The following DBR1 variants were observed in gnomAD, a reference collection of about 807,000 sequenced individuals.
DBR1 encodes lariat debranching enzyme.
In DBR1, 33 loss-of-function variants were observed where a neutral mutation model predicts 45.9. The observed-to-expected ratio is 0.72, with a 90% CI of 0.55 to 0.96. DBR1 has a LOEUF of 0.96. Among genes scored for constraint, DBR1 ranks in the 40% least tolerant of loss-of-function variants. The pLI, the probability that DBR1 is intolerant of heterozygous loss-of-function variation, is 0.00. For synonymous variants in DBR1, 235 were observed against 235.9 expected, an observed-to-expected ratio of 1.00 and a Z score of 0.04; for missense variants, 619 against 667.4, an observed-to-expected ratio of 0.93 and a Z score of 0.80.
At chr3:138,170,299 C>T (rs533589629) in intron 3 of DBR1, 107 bp from the exon 4 acceptor site, 10 of 672,720 alleles carry the variant, frequency 1.5e-5, no homozygotes, top group East Asian at 1.2e-4. Flanking sequence ...TCAATATATA[C>T]GATTTTAAAA....
At position 138,165,976 on chromosome 3, in the gene DBR1, G is replaced by A. The variant is rs190112507; in HGVS notation, c.714+1105C>T. Among the ~76,000 whole-genome samples the A allele has an allele frequency of 3.5e-3, 540 of 152,344 alleles. 14 individuals are homozygous for A. Among genetic ancestry groups the A allele is most frequent in the Admixed American group, 0.033 (502 of 15,300 alleles). On this transcript the variant is annotated intron_variant, in intron 5 of 7. Transcript: ENST00000260803. The stretch of plus-strand genomic sequence containing the variant: ...AGAATAAATCCACAACAGAAAGGGC[G>A]TATAGGTATATTTTCAGACAAAACC...
intron 3 of DBR1, among the ~76,000 whole-genome samples, chr3:138,170,519 A>C (rs2042949489): frequency 6.6e-6 from 1 of 152,238 alleles, no homozygotes; most frequent in South Asian, 2.1e-4. Context: ...AAAAAGAAAT[A>C]TGTGTATTAT....
intron 5 of DBR1, among the ~76,000 whole-genome samples, chr3:138,165,154 A>G (rs967696245): frequency 6.6e-6 from 1 of 152,128 alleles, no homozygotes; most frequent in Non-Finnish European, 1.5e-5. Context: ...CAGCTTCATC[A>G]TGGAGGAAAA....
At chr3:138,174,567 A>G (rs1163095931) in intron 1 of DBR1, 32 bp downstream of exon 1, 3 of 897,872 alleles carry the variant, frequency 3.3e-6, no homozygotes, top group Middle Eastern at 2.4e-4. Flanking sequence ...CCACCCCCCC[A>G]CCGCCAAGTC....
In DBR1 at chr3:138,167,278, A is replaced by G; in HGVS notation, c.517T>C (p.Ser173Pro). The change falls in exon 5 of 8, where the codon TCT (serine) becomes CCT (proline). Residue 173 changes from serine (S) to proline (P), a missense_variant. Physicochemically the swap from Ser to Pro is moderately conservative, Grantham distance 74. Transcript: ENST00000260803. ...QLKQPIDIFLSHDWPRSIYHY... is the reference protein window; with the variant it reads ...QLKQPIDIFLPHDWPRSIYHY... The stretch of plus-strand genomic sequence containing the variant: ...TATATACTTCTTGGCCAATCATGAG[A>G]CAAGAATATATCTATAGGCTGCTTC... 1 of 1,610,128 alleles carries G rather than the reference A, an allele frequency of 6.2e-7. No homozygotes were observed. Among genetic ancestry groups the G allele is most frequent in the Non-Finnish European group, 8.5e-7 (1 of 1,178,806 alleles).
chr3:138,171,586 T>G, intron 3 of DBR1, 47 bp downstream of exon 3: 1 of 1,260,672 alleles, frequency 7.9e-7, no homozygotes, highest in Non-Finnish European at 1.2e-6. Flanking sequence ...TAACTTACTC[T>G]GGGGCATGCA....
chr3:138,174,738 G>A lies in DBR1; in HGVS notation c.58C>T (p.Leu20=). ...GGGCCGCGCCGCTCTGCCAGCGCCA[G>A]CGTCTCATAGATCTTATCCAGCTCG... The part of the protein sequence containing the change: ...HGELDKIYET[L]ALAERRGPGP... The change falls in exon 1 of 8, where the codon CTG becomes TTG. Residue 20 remains leucine, a synonymous_variant. Coordinates refer to ENST00000260803, the MANE Select transcript of DBR1 (RefSeq NM_016216.4). 1.9e-6 allele frequency: 3 copies of A among 1,612,764 alleles called. No individual in the cohort carries two copies. The highest frequency in any genetic ancestry group is 2.2e-5 in the South Asian group (2 of 90,962).
intron 5 of DBR1, among the ~76,000 whole-genome samples, chr3:138,165,238 G>A (rs1032480400): frequency 6.6e-6 from 1 of 152,082 alleles, no homozygotes; most frequent in Non-Finnish European, 1.5e-5. Flanking sequence ...GGTACAAGTT[G>A]AGTATGCCTT....
At chr3:138,163,578 G>T (rs929749867) in intron 6 of DBR1, 84 bp from the exon 7 acceptor site, 1 of 809,494 alleles carries the variant, frequency 1.2e-6, no homozygotes, top group Non-Finnish European at 1.7e-6. Flanking sequence ...AAATAAAAAG[G>T]AATTTAATTT....
chr3:138,174,558 C>A, intron 1 of DBR1, 41 bp downstream of exon 1: 1 of 1,439,494 alleles, frequency 6.9e-7, no homozygotes, highest in Non-Finnish European at 9.6e-7. Flanking sequence ...AACCCAGTCC[C>A]ACCCCCCCAC....
chr3:138,173,623 A>T lies in DBR1; in HGVS notation c.201T>A (p.Tyr67Ter), dbSNP rs149713635. The change falls in exon 2 of 8, where the codon TAT becomes TAA. Residue 67 changes from tyrosine to a stop codon, truncating the protein, a stop_gained. Transcript: ENST00000260803. LOFTEE classifies it high-confidence loss of function. Reference sequence around the variant, plus strand: ...CTGGAGCCTTTTTCTCTCCAGAGTAATACCTAGAACATAAGAGCAAAGTCA... The same window carrying T: ...CTGGAGCCTTTTTCTCTCCAGAGTATTACCTAGAACATAAGAGCAAAGTCA... The part of the protein sequence containing the change: ...KYRHMQTFYR[Y>*]YSGEKKAPVL... The T allele has an allele frequency of 6.2e-7, 1 of 1,613,392 alleles. No homozygotes were observed. Among genetic ancestry groups the T allele is most frequent in the Non-Finnish European group, 8.5e-7 (1 of 1,179,704 alleles).
intron 3 of DBR1, among the ~76,000 whole-genome samples, chr3:138,170,796 G>A (rs906358247): frequency 1.3e-5 from 2 of 152,176 alleles, no homozygotes; most frequent in African/African-American, 2.4e-5. Flanking sequence ...TGAAATCAAA[G>A]TATAATTCAT....
chr3:138,164,589 C>CCAGAGTA (rs2042922039), intron 5 of DBR1, among the ~76,000 whole-genome samples: 1 of 152,182 alleles, frequency 6.6e-6, no homozygotes, highest in African/African-American at 2.4e-5. Context: ...GATATTAGCA[C>CCAGAGTA]AACTCTGGAA....
Position 138,162,123 on chromosome 3 carries a change from A to G in DBR1, c.1401T>C (p.Asp467=), listed in dbSNP as rs780146605. The G allele has an allele frequency of 8.1e-6, 13 of 1,614,210 alleles. No homozygotes were observed. The Admixed American group carries it at 2.0e-4, about 25-fold the overall frequency. ...TCATAGAGCCTGGCAAGATCCTGAC[A>G]TCAGAGAAACTTGCAGAAAACTCAG... ...QASEFSASFS[D]VRILPGSMIV... Residue 467 remains aspartate (D), a synonymous_variant, in exon 8 of 8, where the codon GAT becomes GAC. Transcript: ENST00000260803.
chr3:138,164,481 A>G (rs2042921493), intron 5 of DBR1, among the ~76,000 whole-genome samples: 1 of 152,256 alleles, frequency 6.6e-6, no homozygotes, highest in South Asian at 2.1e-4. Flanking sequence ...AAAGCAAGTT[A>G]GTGCTCCCCT....
intron 2 of DBR1, among the ~76,000 whole-genome samples, chr3:138,172,452 G>A (rs1340363519): frequency 3.3e-5 from 5 of 152,014 alleles, no homozygotes; most frequent in Non-Finnish European, 5.9e-5. Context: ...AAAATTAGCC[G>A]GGCGTGGTGG....
chr3:138,167,433 T>C, intron 4 of DBR1, 128 bp from the exon 5 acceptor site: 1 of 667,720 alleles, frequency 1.5e-6, no homozygotes, highest in Non-Finnish European at 2.5e-6. Flanking sequence ...GTATAATTCA[T>C]TCTAAGGACA....
chr3:138,167,290 C>T lies in DBR1; in HGVS notation c.505G>A (p.Asp169Asn). Residue 169 changes from aspartate (D) to asparagine (N), a missense_variant, in exon 5 of 8, where the codon GAT becomes AAT. By Grantham distance (23) the Asp-to-Asn change is conservative (BLOSUM62 1). Around this residue, in one of 3 missense-constraint regions of DBR1, gnomAD observed 430 missense variants for 447.7 expected, o/e 0.96. Coordinates refer to ENST00000260803, the MANE Select transcript of DBR1 (RefSeq NM_016216.4). ...GGCCAATCATGAGACAAGAATATATCTATAGGCTGCTTCAGCTTTCAAAAG... is the reference window on the plus strand; with the variant it reads ...GGCCAATCATGAGACAAGAATATATTTATAGGCTGCTTCAGCTTTCAAAAG... The part of the protein sequence containing the change: ...YKLKQLKQPI[D>N]IFLSHDWPRS... 1.3e-6 allele frequency: 2 copies of T among 1,595,680 alleles called. No individual in the cohort carries two copies. The highest frequency in any genetic ancestry group is 1.7e-6 in the Non-Finnish European group (2 of 1,175,182).
Position 138,173,559 on chromosome 3 carries a change from T to G in DBR1, c.265A>C (p.Asn89His), listed in dbSNP as rs1257534777. The G allele has an allele frequency of 2.5e-6, 4 of 1,613,942 alleles. No homozygotes were observed. Among genetic ancestry groups the G allele is most frequent in the Middle Eastern group, 1.6e-4 (1 of 6,062 alleles). The part of the protein sequence containing the change: ...LFIGGNHEAS[N>H]HLQELPYGGW... ...CCATAGGGTAACTCTTGCAAATGATTTGAGGCTTCATGGTTTCCCCCAATG... is the reference window on the plus strand; with the variant it reads ...CCATAGGGTAACTCTTGCAAATGATGTGAGGCTTCATGGTTTCCCCCAATG... Residue 89 changes from asparagine (N) to histidine (H), a missense_variant, in exon 2 of 8, where the codon AAT (asparagine) becomes CAT (histidine). Transcript: ENST00000260803.
Sources: allele counts gnomAD v4.1 joint callset (sites outside exome capture counted in the v4.1 genomes callset), GRCh38; gene constraint gnomAD v4.1.1; regional missense constraint gnomAD v4.1.1; transcripts MANE v1.5; gene names NCBI Gene and HGNC (gene_info 2026-07-23, HGNC 2026-07-21).